UGT1A9: variants seen among roughly 807,000 people sequenced by gnomAD.
UGT1A9 encodes the protein UDP-glucuronosyltransferase 1A9.
Under a neutral mutation model 45.0 loss-of-function variants are expected in UGT1A9, and 35 were observed. That is an observed-to-expected ratio of 0.78 (90% CI 0.59 to 1.03). UGT1A9 has a LOEUF of 1.03. Ranked by LOEUF, UGT1A9 falls within the 50% of genes least tolerant of loss-of-function variation. The pLI is 0.00. For missense variants in UGT1A9, 687 were observed against 666.6 expected (o/e 1.03, Z -0.34); for synonymous variants, 278 against 250.6 (o/e 1.11, Z -1.03).
At chr2:233,770,517 G>A (rs1365458811) in intron 4 of UGT1A9, 2 of 152,204 alleles carry the variant, frequency 1.3e-5, no homozygotes, top group African/African-American at 4.8e-5. Flanking sequence ...AATTACCCAG[G>A]CATGGTGGTG....
intron 1 of UGT1A9, among the ~76,000 whole-genome samples, chr2:233,696,959 T>C (rs1025809299): frequency 1.3e-5 from 2 of 152,172 alleles, no homozygotes; most frequent in Admixed American, 6.5e-5. Flanking sequence ...CTTTTTAACA[T>C]ATTATTGGAT....
At chr2:233,685,640 A>T (rs2074747798) in intron 1 of UGT1A9, among the ~76,000 whole-genome samples, 1 of 152,250 alleles carries the variant, frequency 6.6e-6, no homozygotes, top group Non-Finnish European at 1.5e-5. Context: ...GTTTTCGAAC[A>T]TATACCAAGG....
chr2:233,735,285 T>C (rs1453773245), intron 1 of UGT1A9, among the ~76,000 whole-genome samples: 1 of 152,192 alleles, frequency 6.6e-6, no homozygotes, highest in East Asian at 1.9e-4. Flanking sequence ...TCTTTGTCTC[T>C]TTTGATTTTT....
intron 1 of UGT1A9, chr2:233,760,234 A>C: frequency 1.8e-6 from 2 of 1,136,914 alleles, no homozygotes; most frequent in South Asian, 2.9e-5. Flanking sequence ...GGTTTTTGCC[A>C]TATATATATA....
chr2:233,713,640 C>A (rs2076335946), intron 1 of UGT1A9: 5 of 1,613,940 alleles, frequency 3.1e-6, no homozygotes, highest in Non-Finnish European at 4.2e-6. Flanking sequence ...CATGCTCTAC[C>A]CTCTGGCCCT....
chr2:233,729,663 T>C (rs137893400), intron 1 of UGT1A9: 1,316 of 1,613,944 alleles, frequency 8.2e-4, no homozygotes, highest in Non-Finnish European at 1.0e-3. Context: ...TTCCATGTGA[T>C]TTAGACTTTA....
At chr2:233,700,065 T>C (rs185747292) in intron 1 of UGT1A9, among the ~76,000 whole-genome samples, 116 of 152,320 alleles carry the variant, frequency 7.6e-4, no homozygotes, top group African/African-American at 2.7e-3. Context: ...TCCAGTGGTG[T>C]CTACCCAGCA....
rs556291305 is a variant in UGT1A9, at chr2:233,766,974, G to A, written c.856-60G>A. 4.3e-6 allele frequency: 7 copies of A among 1,611,912 alleles called. No homozygotes were observed. In the East Asian group the frequency reaches 1.6e-4, roughly 36 times the overall value. On this transcript the variant is annotated intron_variant, in intron 1 of 4. Transcript: ENST00000354728. ...GAAGATATCTAATTCATAACTTACT[G>A]TATGTAGTCATCAAAGAATATGAGA... is the stretch of plus-strand genomic sequence containing the variant.
intron 1 of UGT1A9, among the ~76,000 whole-genome samples, chr2:233,701,144 A>C (rs188566548): frequency 6.6e-6 from 1 of 152,282 alleles, no homozygotes. Flanking sequence ...GTTGGTTCCA[A>C]GTCTTTGCTA....
intron 1 of UGT1A9, among the ~76,000 whole-genome samples, chr2:233,757,541 T>TATAC (rs1229454769): frequency 1.7e-5 from 2 of 117,592 alleles, no homozygotes; most frequent in Non-Finnish European, 3.6e-5. Flanking sequence ...AAGGAATATA[T>TATAC]ATATATATAT....
At position 233,691,464 on chromosome 2, in the gene UGT1A9, A is replaced by G. The variant is rs995764297; in HGVS notation, c.855+18675A>G. 5.1e-6 allele frequency: 5 copies of G among 985,472 alleles called. No homozygotes were observed. The African/African-American group carries it at 5.2e-5, about 10-fold the overall frequency. 61.0% of individuals were successfully genotyped at this position (985,472 alleles called of 1,614,324 possible). A position where few individuals can be genotyped will look rare whatever the true frequency, so the allele number is the denominator to read the frequency against. ...CTTCTCCCTTCCTGGGCCCCAGAAC[A>G]CCTCCGGTGCCAAACTTGTGGGTGG... is the stretch of plus-strand genomic sequence containing the variant. On this transcript the variant is annotated intron_variant, in intron 1 of 4. Transcript: ENST00000354728.
At chr2:233,747,507 C>A in intron 1 of UGT1A9, 2 of 1,608,136 alleles carry the variant, frequency 1.2e-6, no homozygotes, top group South Asian at 2.2e-5. Flanking sequence ...CCACACTCAA[C>A]TGTACTTTGA....
chr2:233,713,651 G>A (rs1051554487), intron 1 of UGT1A9: 2 of 1,613,832 alleles, frequency 1.2e-6, no homozygotes, highest in African/African-American at 1.3e-5. Flanking sequence ...CTCTGGCCCT[G>A]TCCTACCTTT....
chr2:233,696,858 T>C (rs1432806664), intron 1 of UGT1A9, among the ~76,000 whole-genome samples: 1 of 152,170 alleles, frequency 6.6e-6, no homozygotes, highest in Admixed American at 6.5e-5. Flanking sequence ...TTGTTGAATG[T>C]TTTTTCAGCA....
intron 1 of UGT1A9, chr2:233,718,646 T>C (rs896196849): frequency 1.0e-5 from 15 of 1,495,846 alleles, no homozygotes; most frequent in African/African-American, 1.4e-5. Flanking sequence ...GTTGGGCCCA[T>C]AACGAAAGGC....
intron 1 of UGT1A9, among the ~76,000 whole-genome samples, chr2:233,683,645 T>TTA (rs1357955429): frequency 6.6e-6 from 1 of 152,182 alleles, no homozygotes; most frequent in Non-Finnish European, 1.5e-5. Context: ...AATTTTGCAC[T>TTA]TTATAAAAGT....
At chr2:233,764,343 C>T (rs1313396621) in intron 1 of UGT1A9, among the ~76,000 whole-genome samples, 1 of 152,116 alleles carries the variant, frequency 6.6e-6, no homozygotes. Context: ...TGGACTTCAC[C>T]TTTATTGAGC....
chr2:233,737,440 C>T (rs575360355), intron 1 of UGT1A9, among the ~76,000 whole-genome samples: 16 of 152,288 alleles, frequency 1.1e-4, no homozygotes, highest in African/African-American at 3.1e-4. Context: ...GGGAGTGTCC[C>T]GTTTTTCCAG....
intron 1 of UGT1A9, chr2:233,682,535 G>A (rs765046704): frequency 4.3e-6 from 7 of 1,613,844 alleles, no homozygotes; most frequent in South Asian, 3.3e-5. Context: ...GTTCTCAGAC[G>A]CCATGACTTT....
Sources: gnomAD v4.1 joint callset for allele counts (sites outside exome capture counted in the v4.1 genomes callset) on GRCh38, gnomAD v4.1.1 for gene constraint, MANE v1.5 for transcripts, NCBI Gene and HGNC (gene_info 2026-07-23, HGNC 2026-07-21) for gene names.